Variants in SH3RF3 observed in about 807,000 individuals in gnomAD.
SH3RF3 encodes the protein E3 ubiquitin-protein ligase SH3RF3.
A neutral mutation model predicts 66.3 loss-of-function variants in SH3RF3; 29 were observed. The ratio of observed to expected loss-of-function variants is 0.44; its 90% CI spans 0.33 to 0.60. The LOEUF is 0.60. SH3RF3 is among the 20% of genes least tolerant of loss of function. The probability of loss-of-function intolerance (pLI) is 0.04; values close to 1 mark genes in which losing one functional copy is unlikely to be tolerated. For missense variants in SH3RF3, 1,194 were observed against 1,190.9 expected (o/e 1.00, Z -0.04); for synonymous variants, 583 against 532.0 (o/e 1.10, Z -1.32).
intron 8 of SH3RF3, among the ~76,000 whole-genome samples, chr2:109,468,304 G>A (rs1678412061): frequency 6.6e-6 from 1 of 152,158 alleles, no homozygotes; most frequent in Non-Finnish European, 1.5e-5. Flanking sequence ...AGTACCGTGT[G>A]TCTAAATATA....
chr2:109,187,671 G>A (rs1261959661), intron 1 of SH3RF3, among the ~76,000 whole-genome samples: 4 of 152,186 alleles, frequency 2.6e-5, no homozygotes, highest in Non-Finnish European at 5.9e-5. Flanking sequence ...ACACTCTGAT[G>A]TTCACACAAT....
intron 5 of SH3RF3, among the ~76,000 whole-genome samples, chr2:109,431,591 T>TA (rs1453987848): frequency 2.0e-5 from 3 of 152,166 alleles, no homozygotes; most frequent in African/African-American, 7.2e-5. Flanking sequence ...TATTTGCAAA[T>TA]AAGACTTAAA....
At chr2:109,412,929 C>G (rs1676632923) in intron 4 of SH3RF3, among the ~76,000 whole-genome samples, 1 of 152,168 alleles carries the variant, frequency 6.6e-6, no homozygotes, top group Non-Finnish European at 1.5e-5. Context: ...TCTGCATACC[C>G]TACATGGCCC....
rs374183300 is a variant in SH3RF3 at position 109,485,881 on chromosome 2, G to C, written c.2149-4724G>C. 4.6e-5 allele frequency among the ~76,000 whole-genome samples: 7 copies of C among 152,354 alleles called. No individual in the cohort carries two copies. In the East Asian group the frequency reaches 9.6e-4, roughly 21 times the overall value. ...AGCACAGCCTCATCGCAAGCCTCCA[G>C]TCCCTGGCCCTCCCTGGCCCTTGAT... On this transcript the variant is annotated intron_variant, in intron 8 of 9. Coordinates refer to ENST00000309415, the MANE Select transcript of SH3RF3 (RefSeq NM_001099289.3).
chr2:109,245,997 G>A (rs1679906211), intron 1 of SH3RF3, among the ~76,000 whole-genome samples: 1 of 152,184 alleles, frequency 6.6e-6, no homozygotes, highest in Admixed American at 6.5e-5. Flanking sequence ...AAAAACCAGT[G>A]TGGTGAAACA....
Position 109,450,273 on chromosome 2 carries a change from G to A in SH3RF3, c.2148+784G>A, listed in dbSNP as rs544281545. On this transcript the variant is annotated intron_variant, in intron 8 of 9. Coordinates refer to ENST00000309415, the MANE Select transcript of SH3RF3 (RefSeq NM_001099289.3). ...AGGCAGGAGAATCACTGGAAACCGG[G>A]GGGCAGAGCCTGCAGTGAGCCAAGA... 2.6e-5 allele frequency among the ~76,000 whole-genome samples: 4 copies of A among 152,192 alleles called. No individual in the cohort carries two copies. In the East Asian group the frequency reaches 5.8e-4, roughly 22 times the overall value.
At chr2:109,199,329 A>AATAAAATAAATAAAATAAATAAAAT in intron 1 of SH3RF3, among the ~76,000 whole-genome samples, 52 of 1,070 alleles carry the variant, frequency 0.049, no homozygotes, top group African/African-American at 0.15. Context: ...CTCAAAAAGT[A>AATAAAATAAATAAAATAAATAAAAT]AAATGGAATG....
At chr2:109,371,228 A>G (rs1490594892) in intron 2 of SH3RF3, among the ~76,000 whole-genome samples, 1 of 152,206 alleles carries the variant, frequency 6.6e-6, no homozygotes, top group African/African-American at 2.4e-5. Flanking sequence ...ATCTCTACCA[A>G]AAAATACAAA....
intron 1 of SH3RF3, among the ~76,000 whole-genome samples, chr2:109,194,183 C>T (rs1678438877): frequency 1.3e-5 from 2 of 152,232 alleles, no homozygotes; most frequent in South Asian, 4.1e-4. Flanking sequence ...GGTTGGAATC[C>T]CTGAAACAGG....
chr2:109,366,291 A>G (rs899785411), intron 2 of SH3RF3, among the ~76,000 whole-genome samples: 1 of 152,202 alleles, frequency 6.6e-6, no homozygotes, highest in Non-Finnish European at 1.5e-5. Context: ...AAAAATAACT[A>G]TCAAGTCCAC....
intron 4 of SH3RF3, among the ~76,000 whole-genome samples, chr2:109,418,766 C>T (rs960763791): frequency 5.9e-5 from 9 of 152,328 alleles, no homozygotes; most frequent in South Asian, 2.1e-4. Context: ...CATTGAATGC[C>T]TCTGAACAGG....
At chr2:109,161,759 G>T (rs1677495339) in intron 1 of SH3RF3, among the ~76,000 whole-genome samples, 1 of 151,884 alleles carries the variant, frequency 6.6e-6, no homozygotes, top group Admixed American at 6.6e-5. Context: ...AGGGGAACTA[G>T]TAGAGCAAGA....
chr2:109,498,406 C>T (rs1444200193), intron 9 of SH3RF3, among the ~76,000 whole-genome samples: 1 of 152,134 alleles, frequency 6.6e-6, no homozygotes, highest in Non-Finnish European at 1.5e-5. Flanking sequence ...GCCTGTGTGC[C>T]CAGGGGCTGT....
chr2:109,422,386 C>T (rs1275019333), intron 5 of SH3RF3, among the ~76,000 whole-genome samples: 3 of 152,168 alleles, frequency 2.0e-5, no homozygotes, highest in African/African-American at 7.2e-5. Context: ...AACATGAGCC[C>T]TTGAGATTAA....
chr2:109,179,540 C>T (rs1017561047), intron 1 of SH3RF3, among the ~76,000 whole-genome samples: 1 of 152,170 alleles, frequency 6.6e-6, no homozygotes, highest in Non-Finnish European at 1.5e-5. Flanking sequence ...CATGAGCTCA[C>T]AGTTCTGGAG....
chr2:109,184,735 C>T (rs1373514153), intron 1 of SH3RF3, among the ~76,000 whole-genome samples: 1 of 152,182 alleles, frequency 6.6e-6, no homozygotes, highest in Admixed American at 6.5e-5. Flanking sequence ...AATGTGCAGC[C>T]TCCTATTCTG....
At chr2:109,385,847 G>T (rs377602032) in intron 3 of SH3RF3, among the ~76,000 whole-genome samples, 1 of 152,194 alleles carries the variant, frequency 6.6e-6, no homozygotes, top group African/African-American at 2.4e-5. Context: ...AAATTTACAC[G>T]TCCATAAAGC....
At chr2:109,285,715 C>T (rs955624464) in intron 1 of SH3RF3, among the ~76,000 whole-genome samples, 2 of 152,176 alleles carry the variant, frequency 1.3e-5, no homozygotes, top group Non-Finnish European at 2.9e-5. Context: ...TGCATCTGTC[C>T]CTGAGCCTGG....
intron 2 of SH3RF3, among the ~76,000 whole-genome samples, chr2:109,365,418 C>T (rs1235030541): frequency 1.3e-5 from 2 of 152,194 alleles, no homozygotes; most frequent in South Asian, 2.1e-4. Flanking sequence ...TGGTATTTCC[C>T]TATTGATCTC....
Sources: gnomAD v4.1 joint callset for allele counts (sites outside exome capture counted in the v4.1 genomes callset) on GRCh38, gnomAD v4.1.1 for gene constraint, MANE v1.5 for transcripts, NCBI Gene and HGNC (gene_info 2026-07-23, HGNC 2026-07-21) for gene names.